NBL1: variants seen among roughly 807,000 people sequenced by gnomAD.
The protein encoded by NBL1 is neuroblastoma suppressor of tumorigenicity 1.
Under a neutral mutation model 16.0 loss-of-function variants are expected in NBL1, and 9 were observed. The ratio of observed to expected loss-of-function variants is 0.56; its 90% CI spans 0.34 to 0.98. NBL1 has a LOEUF of 0.98. NBL1 is among the 50% of genes least tolerant of loss of function. The pLI, the probability that NBL1 is intolerant of heterozygous loss-of-function variation, is 0.02. For missense variants in NBL1, 196 were observed against 243.1 expected (o/e 0.81, Z 1.29); for synonymous variants, 86 against 100.7 (o/e 0.85, Z 0.87).
intron 1 of NBL1, among the ~76,000 whole-genome samples, chr1:19,654,690 A>AG (rs1186591531): frequency 6.6e-6 from 1 of 152,100 alleles, no homozygotes; most frequent in Non-Finnish European, 1.5e-5. Flanking sequence ...GAAGAAACCG[A>AG]GGCACCGAGA....
chr1:19,648,333 G>A (rs756490710), intron 1 of NBL1, among the ~76,000 whole-genome samples: 19 of 152,190 alleles, frequency 1.2e-4, no homozygotes, highest in Non-Finnish European at 2.2e-4. Context: ...CCTTTCCTGG[G>A]GGCTGGGAGG....
chr1:19,648,881 G>A (rs1016089511), intron 1 of NBL1, among the ~76,000 whole-genome samples: 2 of 152,092 alleles, frequency 1.3e-5, no homozygotes, highest in Non-Finnish European at 2.9e-5. Context: ...CTTTACCAGG[G>A]CTCCAAGAGC....
At position 19,655,176 on chromosome 1, in the gene NBL1, G is replaced by T; in HGVS notation, c.146G>T (p.Cys49Phe). 6 of 1,608,938 alleles carry T rather than the reference G, an allele frequency of 3.7e-6. No individual in the cohort carries two copies. The highest frequency in any genetic ancestry group is 2.2e-5 in the East Asian group (1 of 44,698). Reference protein sequence around the residue: ...NITQIVGHSGCEAKSIQNRAC... With the variant: ...NITQIVGHSGFEAKSIQNRAC... ...ACCCAGATCGTGGGCCACAGCGGCT[G>T]TGAGGCCAAGTCCATCCAGAACAGG... Residue 49 changes from cysteine to phenylalanine, a missense_variant, in exon 2 of 4, where the codon TGT (cysteine) becomes TTT (phenylalanine). Physicochemically the swap from Cys to Phe is radical, Grantham distance 205. Coordinates refer to ENST00000375136, the MANE Select transcript of NBL1 (RefSeq NM_005380.8).
At chr1:19,650,013 C>T (rs749909714) in intron 1 of NBL1, among the ~76,000 whole-genome samples, 1 of 150,092 alleles carries the variant, frequency 6.7e-6, no homozygotes, top group South Asian at 2.1e-4. Flanking sequence ...CTCGCTTTGT[C>T]GCCCAGGCTG....
intron 3 of NBL1, among the ~76,000 whole-genome samples, chr1:19,655,796 C>T (rs945580758): frequency 2.0e-5 from 3 of 152,218 alleles, no homozygotes; most frequent in Non-Finnish European, 4.4e-5. Context: ...CTCCTGCTTC[C>T]TGCCTTCCTT....
intron 1 of NBL1, among the ~76,000 whole-genome samples, chr1:19,648,289 G>A (rs1412690035): frequency 1.3e-5 from 2 of 152,272 alleles, no homozygotes; most frequent in Non-Finnish European, 2.9e-5. Context: ...CAGTGGGCTG[G>A]GGGGCCTCAG....
chr1:19,647,720 C>A, intron 1 of NBL1: 3 of 970,828 alleles, frequency 3.1e-6, no homozygotes, highest in Non-Finnish European at 3.7e-6. Flanking sequence ...GGAGGTTCCC[C>A]GAGGAGGTTC....
At chr1:19,652,115 C>T (rs892851285) in intron 1 of NBL1, among the ~76,000 whole-genome samples, 1 of 152,108 alleles carries the variant, frequency 6.6e-6, no homozygotes, top group Non-Finnish European at 1.5e-5. Context: ...ACCTCCCTGG[C>T]CCCCTGTGAC....
upstream of NBL1, chr1:19,644,232 C>CG: frequency 1.0e-6 from 1 of 977,240 alleles, no homozygotes; most frequent in Non-Finnish European, 1.2e-6. The surrounding 1 kb of genome is among the most constrained non-coding windows in gnomAD (Gnocchi z 4.6). Flanking sequence ...TCCCCGCTGC[C>CG]CCCGCCCTCG....
chr1:19,648,916 G>T (rs549699811), intron 1 of NBL1, among the ~76,000 whole-genome samples: 2 of 152,240 alleles, frequency 1.3e-5, no homozygotes, highest in East Asian at 3.9e-4. Flanking sequence ...GCCACAAGAC[G>T]GTTGGCTAGG....
intron 1 of NBL1, chr1:19,646,058 T>G: frequency 1.3e-6 from 2 of 1,550,224 alleles, no homozygotes; most frequent in South Asian, 2.4e-5. Flanking sequence ...GGCCTGGGTT[T>G]GGGGGCTGGC....
intron 1 of NBL1, among the ~76,000 whole-genome samples, chr1:19,651,650 C>T (rs913126349): frequency 2.0e-5 from 3 of 151,946 alleles, no homozygotes; most frequent in African/African-American, 7.3e-5. Flanking sequence ...TCCCTCCCTC[C>T]CTCTGTCCCT....
chr1:19,651,302 G>A (rs1570558814), intron 1 of NBL1, among the ~76,000 whole-genome samples: 1 of 152,182 alleles, frequency 6.6e-6, no homozygotes, highest in South Asian at 2.1e-4. Context: ...CCTGCGGAGA[G>A]CCTGCTAGGG....
chr1:19,645,694 G>T (rs1032730119), intron 1 of NBL1: 2 of 1,252,710 alleles, frequency 1.6e-6, no homozygotes, highest in Non-Finnish European at 1.0e-6. Flanking sequence ...AAAAGGCGAG[G>T]CTGCAGCGTT....
chr1:19,654,416 A>T (rs1018487725), intron 1 of NBL1, among the ~76,000 whole-genome samples: 1 of 152,208 alleles, frequency 6.6e-6, no homozygotes, highest in African/African-American at 2.4e-5. Context: ...AAACAAAACC[A>T]AAAAGAAATC....
chr1:19,656,837 T>C, intron 3 of NBL1, 29 bp from the exon 4 acceptor site: 2 of 1,589,454 alleles, frequency 1.3e-6, no homozygotes, highest in Non-Finnish European at 1.7e-6. Flanking sequence ...TTTGGGAACA[T>C]GCCTCTGCTT....
intron 1 of NBL1, chr1:19,645,931 G>A: frequency 6.5e-7 from 1 of 1,550,338 alleles, no homozygotes; most frequent in African/African-American, 1.4e-5. Flanking sequence ...GAGGTCTGCA[G>A]TGGAACTTCT....
At chr1:19,647,056 C>T (rs560383676) in intron 1 of NBL1, among the ~76,000 whole-genome samples, 3 of 152,286 alleles carry the variant, frequency 2.0e-5, no homozygotes, top group Non-Finnish European at 4.4e-5. Context: ...CTATGATGGG[C>T]GATCTCTCCA....
chr1:19,649,840 T>C (rs548975232), intron 1 of NBL1, among the ~76,000 whole-genome samples: 1 of 152,074 alleles, frequency 6.6e-6, no homozygotes, highest in Non-Finnish European at 1.5e-5. Flanking sequence ...TTTTAAATTT[T>C]TGTAGAGATG....
Sources: gnomAD v4.1 joint callset for allele counts (sites outside exome capture counted in the v4.1 genomes callset) on GRCh38, gnomAD v4.1.1 for gene constraint, Gnocchi (gnomAD v3.1) non-coding constraint, MANE v1.5 for transcripts, NCBI Gene and HGNC (gene_info 2026-07-23, HGNC 2026-07-21) for gene names.